PTPRR: variants seen among roughly 807,000 people sequenced by gnomAD.
PTPRR encodes protein tyrosine phosphatase receptor type R, also known as receptor-type tyrosine-protein phosphatase R.
In PTPRR, 38 loss-of-function variants were observed where a neutral mutation model predicts 77.2. The observed-to-expected ratio is 0.49, with a 90% confidence interval of 0.38 to 0.65. The LOEUF (loss-of-function observed/expected upper bound fraction) is 0.65, where lower values mean the gene tolerates loss of function less well. Ranked by LOEUF, PTPRR falls within the 30% of genes least tolerant of loss-of-function variation. The pLI is 0.00. For missense variants in PTPRR, 744 were observed against 799.2 expected, an observed-to-expected ratio of 0.93 and a Z score of 0.83; for synonymous variants, 299 against 283.1, an observed-to-expected ratio of 1.06 and a Z score of -0.57.
rs540833028 is a variant in PTPRR, at chr12:70,893,078, G to A, written c.59-101C>T. 19 of 1,265,812 alleles carry A rather than the reference G, an allele frequency of 1.5e-5. No homozygotes were observed. The East Asian group carries it at 3.8e-4, about 25-fold the overall frequency. 78.4% of individuals were successfully genotyped at this position (1,265,812 alleles called of 1,614,324 possible). A position where few individuals can be genotyped will look rare whatever the true frequency, so the allele number is the denominator to read the frequency against. The stretch of plus-strand genomic sequence containing the variant: ...ATTACCCTTTCTTGAGAGGCTTTAA[G>A]ACTTGTGAAGGATTTAGGTTAGTCT... On this transcript the variant is annotated intron_variant, in intron 1 of 13. Coordinates refer to ENST00000283228, the MANE Select transcript of PTPRR (RefSeq NM_002849.4).
At chr12:70,852,811 C>A (rs930547196) in intron 2 of PTPRR, among the ~76,000 whole-genome samples, 3 of 152,008 alleles carry the variant, frequency 2.0e-5, no homozygotes, top group Non-Finnish European at 2.9e-5. Context: ...ACATTTTCTC[C>A]CCCCTTCTAT....
rs865920886 is a variant in PTPRR at position 70,698,678 on chromosome 12, T to A, written c.1195-329A>T. Among the ~76,000 whole-genome samples the A allele has an allele frequency of 1.1e-4, 17 of 152,286 alleles. 1 individual carries two copies. The highest frequency in any genetic ancestry group is 2.6e-4 in the African/African-American group (11 of 41,576). On this transcript the variant is annotated intron_variant, in intron 7 of 13. Transcript: ENST00000283228. Reference sequence around the variant, plus strand: ...ACAGATGCTAAAAAGTGAATTTTTTTAAAAAACAATGTATTCAAATATATT... The same window carrying A: ...ACAGATGCTAAAAAGTGAATTTTTTAAAAAAACAATGTATTCAAATATATT...
chr12:70,793,048 T>G (rs994593199), intron 2 of PTPRR, among the ~76,000 whole-genome samples: 14 of 152,196 alleles, frequency 9.2e-5, no homozygotes, highest in African/African-American at 3.4e-4. Flanking sequence ...TAACTCGTTT[T>G]AAGAAGGGAT....
intron 2 of PTPRR, among the ~76,000 whole-genome samples, chr12:70,891,048 T>G (rs1002614363): frequency 6.6e-6 from 1 of 152,136 alleles, no homozygotes; most frequent in African/African-American, 2.4e-5. Flanking sequence ...CAATTGGTGT[T>G]GCCAGCTACC....
chr12:70,822,155 G>A (rs1482406483), intron 2 of PTPRR, among the ~76,000 whole-genome samples: 1 of 152,144 alleles, frequency 6.6e-6, no homozygotes, highest in African/African-American at 2.4e-5. Context: ...AAAATGCAAA[G>A]GAAAGGCTGT....
intron 6 of PTPRR, among the ~76,000 whole-genome samples, chr12:70,705,429 T>G (rs770608555): frequency 1.4e-4 from 21 of 152,078 alleles, no homozygotes; most frequent in Non-Finnish European, 2.5e-4. Context: ...ACATGCTACT[T>G]TTTTTGCAGT....
chr12:70,829,829 G>A (rs2137049151), intron 2 of PTPRR, among the ~76,000 whole-genome samples: 1 of 152,178 alleles, frequency 6.6e-6, no homozygotes, highest in East Asian at 1.9e-4. Flanking sequence ...CTTTCTATGA[G>A]GTTATAAGAA....
chr12:70,859,150 A>T (rs1011262286), intron 2 of PTPRR, among the ~76,000 whole-genome samples: 1 of 152,028 alleles, frequency 6.6e-6, no homozygotes, highest in African/African-American at 2.4e-5. Flanking sequence ...AATTCTTTAA[A>T]ATTCAGTGGA....
At chr12:70,873,786 G>T (rs984410904) in intron 2 of PTPRR, among the ~76,000 whole-genome samples, 1 of 151,958 alleles carries the variant, frequency 6.6e-6, no homozygotes, top group Non-Finnish European at 1.5e-5. Flanking sequence ...GGTGGGGGGT[G>T]GGTAAGAGAA....
At chr12:70,860,852 A>G (rs1892740691) in intron 2 of PTPRR, among the ~76,000 whole-genome samples, 1 of 152,182 alleles carries the variant, frequency 6.6e-6, no homozygotes, top group Admixed American at 6.6e-5. Context: ...AGTATGAACA[A>G]CTGAAGCCTC....
intron 2 of PTPRR, among the ~76,000 whole-genome samples, chr12:70,856,116 C>T (rs1325150805): frequency 2.0e-5 from 3 of 152,146 alleles, no homozygotes; most frequent in African/African-American, 7.2e-5. Flanking sequence ...AATTCACTCA[C>T]TCACTCTCAC....
chr12:70,769,533 A>G (rs987371046), intron 2 of PTPRR, among the ~76,000 whole-genome samples: 4 of 152,214 alleles, frequency 2.6e-5, no homozygotes, highest in Non-Finnish European at 5.9e-5. Context: ...ATGGAAGAAC[A>G]TTCCATGCTC....
chr12:70,775,136 T>C (rs1295716362), intron 2 of PTPRR, among the ~76,000 whole-genome samples: 2 of 152,208 alleles, frequency 1.3e-5, no homozygotes, highest in South Asian at 2.1e-4. Context: ...CATAATTTCA[T>C]AGAGTTACTA....
chr12:70,650,883 T>G (rs1006726653), intron 13 of PTPRR, among the ~76,000 whole-genome samples: 2 of 152,208 alleles, frequency 1.3e-5, no homozygotes, highest in Non-Finnish European at 2.9e-5. Context: ...AGAGTTAGCT[T>G]CAAGGGATCG....
intron 2 of PTPRR, among the ~76,000 whole-genome samples, chr12:70,801,522 G>A (rs996684330): frequency 6.6e-6 from 1 of 152,124 alleles, no homozygotes; most frequent in Non-Finnish European, 1.5e-5. Context: ...GTTTTCTCCC[G>A]CTCTTGTACG....
At chr12:70,650,128 G>A (rs999050081) in intron 13 of PTPRR, among the ~76,000 whole-genome samples, 2 of 152,210 alleles carry the variant, frequency 1.3e-5, no homozygotes, top group East Asian at 1.9e-4. Flanking sequence ...GTGAGTCTCC[G>A]AGTGGGGAAG....
chr12:70,704,966 G>T (rs1888564579), intron 6 of PTPRR, among the ~76,000 whole-genome samples: 1 of 152,056 alleles, frequency 6.6e-6, no homozygotes, highest in Non-Finnish European at 1.5e-5. Flanking sequence ...GCTTTATCAA[G>T]CTCCTGCTGC....
chr12:70,814,209 C>A (rs1891860220), intron 2 of PTPRR, among the ~76,000 whole-genome samples: 1 of 152,134 alleles, frequency 6.6e-6, no homozygotes, highest in Admixed American at 6.6e-5. Flanking sequence ...CCTCATTTGA[C>A]CTAGAGGGGC....
At chr12:70,684,681 G>A in intron 9 of PTPRR, 23 bp downstream of exon 9, 1 of 1,478,950 alleles carries the variant, frequency 6.8e-7, no homozygotes, top group South Asian at 1.2e-5. Flanking sequence ...TCACCAGAAA[G>A]AAATTTGTAC....
Sources: gnomAD v4.1 joint callset for allele counts (sites outside exome capture counted in the v4.1 genomes callset) on GRCh38, gnomAD v4.1.1 for gene constraint, MANE v1.5 for transcripts, NCBI Gene and HGNC (gene_info 2026-07-23, HGNC 2026-07-21) for gene names.